Variants in TRABD2B observed in about 807,000 individuals in gnomAD.
TRABD2B encodes metalloprotease TIKI2.
In TRABD2B, 14 loss-of-function variants were observed where a neutral mutation model predicts 40.1. That is an observed-to-expected ratio of 0.35 (90% CI 0.23 to 0.55). The LOEUF is 0.55. Among genes scored for constraint, TRABD2B ranks in the 20% least tolerant of loss-of-function variants. TRABD2B has a pLI of 0.90. For synonymous variants in TRABD2B, 263 were observed against 277.0 expected (o/e 0.95, Z 0.50); for missense variants, 541 against 648.6 (o/e 0.83, Z 1.80).
intron 6 of TRABD2B, among the ~76,000 whole-genome samples, chr1:47,766,837 G>A (rs1185817865): frequency 1.3e-5 from 2 of 152,122 alleles, no homozygotes; most frequent in African/African-American, 4.8e-5. Context: ...AGTCTTTCAC[G>A]AATTTACAAA....
intron 4 of TRABD2B, among the ~76,000 whole-genome samples, chr1:47,780,186 T>C (rs1644502050): frequency 6.6e-6 from 1 of 152,140 alleles, no homozygotes; most frequent in African/African-American, 2.4e-5. Context: ...TGAGGATCAC[T>C]GGGAAAGGTC....
At chr1:47,797,060 T>C (rs1439948009) in intron 3 of TRABD2B, among the ~76,000 whole-genome samples, 3 of 152,218 alleles carry the variant, frequency 2.0e-5, no homozygotes, top group Non-Finnish European at 4.4e-5. Flanking sequence ...TATGGGGCTA[T>C]GAATGTAGGG....
At chr1:47,832,396 C>A (rs1391453409) in intron 2 of TRABD2B, among the ~76,000 whole-genome samples, 1 of 151,870 alleles carries the variant, frequency 6.6e-6, no homozygotes, top group African/African-American at 2.4e-5. Context: ...GGAGGCACAT[C>A]ATCTCTCAGA....
At chr1:47,869,245 A>G (rs1032611490) in intron 2 of TRABD2B, among the ~76,000 whole-genome samples, 18 of 152,222 alleles carry the variant, frequency 1.2e-4, no homozygotes, top group African/African-American at 2.7e-4. Context: ...TTGGTTCTCA[A>G]TAAAATTTTA....
In TRABD2B at chr1:47,994,066, G is replaced by A; in HGVS notation, c.634C>T (p.His212Tyr). The A allele has an allele frequency of 6.5e-7, 1 of 1,536,178 alleles. No homozygotes were observed. Among genetic ancestry groups the A allele is most frequent in the Middle Eastern group, 1.7e-4 (1 of 5,992 alleles). Reference protein sequence around the residue: ...GAVEQVEEQCHPLNNGLNFSQ... With the variant: ...GAVEQVEEQCYPLNNGLNFSQ... ...AAGTTGAGCCCGTTGTTGAGGGGAT[G>A]GCACTGCTCCTCCACCTGCTCCACA... Residue 212 changes from histidine (H) to tyrosine (Y), a missense_variant, in exon 2 of 7, where the codon CAT becomes TAT. Physicochemically the swap from His to Tyr is moderately conservative, Grantham distance 83 (BLOSUM62 2). Coordinates refer to ENST00000606738, the MANE Select transcript of TRABD2B (RefSeq NM_001194986.2). This position sits in a 1 kb window ranked among gnomAD's most constrained non-coding sequence, Gnocchi z 6.7.
chr1:47,972,865 GGGAGCCCTCCT>G (rs1376671094), intron 2 of TRABD2B, among the ~76,000 whole-genome samples: 2 of 152,220 alleles, frequency 1.3e-5, no homozygotes, highest in Admixed American at 6.5e-5. Context: ...TCCATCTCCA[GGGAGCCCTCCT>G]GGATCCCTCC....
At chr1:47,886,186 C>G (rs1644368111) in intron 2 of TRABD2B, among the ~76,000 whole-genome samples, 1 of 152,268 alleles carries the variant, frequency 6.6e-6, no homozygotes, top group African/African-American at 2.4e-5. Context: ...CAGTTCAAAC[C>G]TGATTCATCA....
chr1:47,895,654 G>A (rs1018368982), intron 2 of TRABD2B, among the ~76,000 whole-genome samples: 2 of 152,238 alleles, frequency 1.3e-5, no homozygotes, highest in African/African-American at 4.8e-5. Context: ...GGTGGCAGGA[G>A]ACAGAGTTCA....
chr1:47,797,978 A>C (rs1644770692), intron 3 of TRABD2B, among the ~76,000 whole-genome samples: 1 of 152,086 alleles, frequency 6.6e-6, no homozygotes, highest in Non-Finnish European at 1.5e-5. Context: ...GTCTGCTGAC[A>C]CCACCTATCT....
intron 4 of TRABD2B, among the ~76,000 whole-genome samples, chr1:47,784,677 T>C (rs903007958): frequency 5.3e-5 from 8 of 152,030 alleles, no homozygotes; most frequent in African/African-American, 1.7e-4. Context: ...CCTGAGGAAG[T>C]ATGACAGGAG....
chr1:47,858,107 A>C (rs1286200798), intron 2 of TRABD2B, among the ~76,000 whole-genome samples: 1 of 152,034 alleles, frequency 6.6e-6, no homozygotes, highest in African/African-American at 2.4e-5. Context: ...ATACGTACGC[A>C]TTGGAAGAAA....
At chr1:47,858,608 C>G (rs1344514318) in intron 2 of TRABD2B, among the ~76,000 whole-genome samples, 1 of 152,218 alleles carries the variant, frequency 6.6e-6, no homozygotes, top group Non-Finnish European at 1.5e-5. Context: ...AATCCAGTGT[C>G]AGATAATGAC....
intron 2 of TRABD2B, among the ~76,000 whole-genome samples, chr1:47,907,419 AT>A (rs1644693378): frequency 6.6e-6 from 1 of 152,188 alleles, no homozygotes; most frequent in African/African-American, 2.4e-5. Context: ...ATCAGAAAGT[AT>A]TTGAGTATCT....
intron 2 of TRABD2B, among the ~76,000 whole-genome samples, chr1:47,844,737 G>C (rs963629052): frequency 1.3e-5 from 2 of 152,222 alleles, no homozygotes; most frequent in African/African-American, 4.8e-5. Context: ...GATTTCAACA[G>C]ACAGGATTCA....
intron 2 of TRABD2B, among the ~76,000 whole-genome samples, chr1:47,817,746 A>G (rs1021087560): frequency 1.3e-5 from 2 of 152,088 alleles, no homozygotes; most frequent in African/African-American, 4.8e-5. Flanking sequence ...AGGACATGCA[A>G]GGAGGCCTCA....
rs536040949 is a variant in TRABD2B at position 47,865,761 on chromosome 1, G to A, written c.667-64142C>T. Among the ~76,000 whole-genome samples the A allele has an allele frequency of 1.1e-4, 16 of 152,206 alleles. No homozygotes were observed. The South Asian group carries it at 3.3e-3, about 32-fold the overall frequency. On this transcript the variant is annotated intron_variant, in intron 2 of 6. Transcript: ENST00000606738. ...GCGCTTGTCACATCCTTCCAATGGT[G>A]ATGATAATTCACACCAGACTACGGC...
intron 2 of TRABD2B, among the ~76,000 whole-genome samples, chr1:47,976,940 T>C (rs750054064): frequency 2.0e-5 from 3 of 152,118 alleles, no homozygotes; most frequent in Non-Finnish European, 4.4e-5. Context: ...TAGTACAATA[T>C]CAAAACCAGG....
intron 2 of TRABD2B, among the ~76,000 whole-genome samples, chr1:47,930,397 T>A (rs1228601678): frequency 6.6e-6 from 1 of 152,158 alleles, no homozygotes; most frequent in East Asian, 1.9e-4. Flanking sequence ...AGCGCTGAGC[T>A]CTTGGCTGAC....
At chr1:47,971,579 A>C (rs1645683101) in intron 2 of TRABD2B, among the ~76,000 whole-genome samples, 1 of 152,112 alleles carries the variant, frequency 6.6e-6, no homozygotes, top group Admixed American at 6.5e-5. Context: ...CAGATACCAC[A>C]CCTTAACAGG....
Sources: gnomAD v4.1 joint callset for allele counts (sites outside exome capture counted in the v4.1 genomes callset) on GRCh38, gnomAD v4.1.1 for gene constraint, Gnocchi (gnomAD v3.1) non-coding constraint, MANE v1.5 for transcripts, NCBI Gene and HGNC (gene_info 2026-07-23, HGNC 2026-07-21) for gene names.